Variants in ARNT observed in about 807,000 individuals in gnomAD.
ARNT encodes class E basic helix-loop-helix protein 2.
A neutral mutation model predicts 105.0 loss-of-function variants in ARNT; 30 were observed. The observed-to-expected ratio is 0.29, with a 90% confidence interval of 0.21 to 0.39. The LOEUF is 0.39. ARNT is among the 10% of genes least tolerant of loss of function. The pLI is 1.00. For synonymous variants in ARNT, 304 were observed against 344.0 expected (o/e 0.88, Z 1.29); for missense variants, 748 against 978.7 (o/e 0.76, Z 3.15).
At chr1:150,852,047 A>G (rs1663704683) in intron 3 of ARNT, among the ~76,000 whole-genome samples, 2 of 131,598 alleles carry the variant, frequency 1.5e-5, no homozygotes, top group Admixed American at 1.6e-4. Flanking sequence ...CGTCTCAAAA[A>G]AAAAAAAAAC....
chr1:150,813,927 G>A, intron 20 of ARNT, 150 bp downstream of exon 20: 1 of 1,106,294 alleles, frequency 9.0e-7, no homozygotes, highest in East Asian at 2.4e-5. Context: ...CACCCAGCTG[G>A]TAGGTTTTAA....
chr1:150,831,314 T>C (rs1659324934), intron 10 of ARNT, among the ~76,000 whole-genome samples: 1 of 152,208 alleles, frequency 6.6e-6, no homozygotes, highest in African/African-American at 2.4e-5. Flanking sequence ...ACTTAAAACT[T>C]TGATCCTGCA....
rs1230615571 is a variant in ARNT, at chr1:150,864,765, AAAAT to A, written c.26-6309_26-6306del. Among the ~76,000 whole-genome samples the A allele has an allele frequency of 9.1e-4, 129 of 141,562 alleles. 1 individual carries two copies. The highest frequency in any genetic ancestry group is 3.1e-3 in the African/African-American group (123 of 39,774). 92.9% of individuals were successfully genotyped at this position (141,562 alleles called of 152,430 possible). A position where few individuals can be genotyped will look rare whatever the true frequency, so the allele number is the denominator to read the frequency against. ...TACCCTAAAACTTAAAGTATAATAA[AAAAT>A]AAATAAATAAATAAATAAATAAATA... On this transcript the variant is annotated intron_variant, in intron 1 of 21. Transcript: ENST00000358595.
At position 150,871,298 on chromosome 1, in the gene ARNT, T is replaced by G. The variant is rs796755316; in HGVS notation, c.25+5245A>C. On this transcript the variant is annotated intron_variant, in intron 1 of 21. Transcript: ENST00000358595. ...ATGGCATATTAGGCAGTCGTGGTTT[T>G]TTTTTTTTTTTTTTTTTTTTTAGAC... Among the ~76,000 whole-genome samples the G allele has an allele frequency of 2.0e-3, 295 of 144,738 alleles. 1 individual carries two copies. Among genetic ancestry groups the G allele is most frequent in the African/African-American group, 7.3e-3 (288 of 39,286 alleles). The allele number at this position is 144,738 out of a possible 152,430, so 95.0% of individuals were successfully genotyped here. A position where few individuals can be genotyped will look rare whatever the true frequency, so the allele number is the denominator to read the frequency against.
At chr1:150,863,897 T>C (rs1029287280) in intron 1 of ARNT, among the ~76,000 whole-genome samples, 4 of 151,798 alleles carry the variant, frequency 2.6e-5, no homozygotes, top group Non-Finnish European at 5.9e-5. Context: ...GATATGAAAA[T>C]ACAGTTATGT....
chr1:150,818,752 G>GAAAC (rs10305734), intron 14 of ARNT, among the ~76,000 whole-genome samples: 148,772 of 151,358 alleles, frequency 0.98, 73,164 homozygotes, highest in East Asian at 1. Flanking sequence ...CTGTCTCAAT[G>GAAAC]AAACAAACAA....
At position 150,814,208 on chromosome 1, in the gene ARNT, C is replaced by T. The variant is rs1655348257; in HGVS notation, c.1982G>A (p.Arg661His). Residue 661 changes from arginine to histidine, a missense_variant, in exon 20 of 22, where the codon CGT becomes CAT. Physicochemically the swap from Arg to His is conservative, Grantham distance 29 (BLOSUM62 0). Around this residue, in one of 4 missense-constraint regions of ARNT, gnomAD observed 360 missense variants for 411.9 expected, o/e 0.87. Coordinates refer to ENST00000358595, the MANE Select transcript of ARNT (RefSeq NM_001668.4). ...QVATQATAKTRTSQFGVGSFQ... is the reference protein window; with the variant it reads ...QVATQATAKTHTSQFGVGSFQ... ...GCTGCCCACACCAAACTGGGAAGTA[C>T]GAGTCTTAGCAGTAGCCTGGGTAGC... 2.5e-6 allele frequency: 4 copies of T among 1,614,044 alleles called. No homozygotes were observed. Among genetic ancestry groups the T allele is most frequent in the East Asian group, 2.2e-5 (1 of 44,872 alleles).
intron 5 of ARNT, among the ~76,000 whole-genome samples, chr1:150,840,227 C>T (rs955722417): frequency 6.7e-6 from 1 of 148,952 alleles, no homozygotes; most frequent in Non-Finnish European, 1.5e-5. Flanking sequence ...GGTGGCAGAG[C>T]AAGACTCCAT....
At chr1:150,832,219 G>A (rs953655533) in intron 9 of ARNT, 115 bp downstream of exon 9, 25 of 1,061,734 alleles carry the variant, frequency 2.4e-5, no homozygotes, top group Non-Finnish European at 3.5e-5. Flanking sequence ...TAAGTGGGAG[G>A]TAAGGGATGC....
intron 1 of ARNT, among the ~76,000 whole-genome samples, chr1:150,860,200 A>C (rs1419962076): frequency 1.4e-5 from 2 of 141,460 alleles, no homozygotes; most frequent in African/African-American, 5.1e-5. Flanking sequence ...CAACCCATGG[A>C]ATAGAAAAAA....
At chr1:150,834,111 G>GC (rs1659845140) in intron 8 of ARNT, among the ~76,000 whole-genome samples, 1 of 150,134 alleles carries the variant, frequency 6.7e-6, no homozygotes, top group South Asian at 2.1e-4. Context: ...TTTTGTTGTT[G>GC]TTTTTTTTTA....
At chr1:150,838,302 T>C (rs1660666222) in intron 6 of ARNT, among the ~76,000 whole-genome samples, 2 of 152,220 alleles carry the variant, frequency 1.3e-5, no homozygotes, top group Admixed American at 6.5e-5. Flanking sequence ...ATCTGCATTT[T>C]ACAGGATTCA....
intron 2 of ARNT, 137 bp from the exon 3 acceptor site, chr1:150,852,943 AAGCTACATTTCC>A: frequency 9.2e-7 from 1 of 1,082,942 alleles, no homozygotes; most frequent in Non-Finnish European, 1.4e-6. Context: ...AAGTCAAACA[AAGCTACATTTCC>A]TCTTGTTCAT....
In ARNT at chr1:150,818,004, G is replaced by A. The variant is rs1656279187; in HGVS notation, c.1421C>T (p.Thr474Ile). Residue 474 changes from threonine (T) to isoleucine (I), a missense_variant, in exon 15 of 22, where the codon ACA becomes ATA. Coordinates refer to ENST00000358595, the MANE Select transcript of ARNT (RefSeq NM_001668.4). Reference sequence around the variant, plus strand: ...TGGCCTCTGGATTGTGTTGGAGAGTGTAGGCCGTGGTTCTTGGCTAGAGTT... The same window carrying A: ...TGGCCTCTGGATTGTGTTGGAGAGTATAGGCCGTGGTTCTTGGCTAGAGTT... The part of the protein sequence containing the change: ...VKNSSQEPRP[T>I]LSNTIQRPQL... The A allele has an allele frequency of 1.9e-6, 3 of 1,613,138 alleles. No individual in the cohort carries two copies. Among genetic ancestry groups the A allele is most frequent in the Non-Finnish European group, 2.5e-6 (3 of 1,179,782 alleles).
intron 4 of ARNT, among the ~76,000 whole-genome samples, chr1:150,843,240 G>A (rs1230519707): frequency 3.3e-5 from 5 of 152,168 alleles, no homozygotes; most frequent in African/African-American, 1.2e-4. Context: ...AGGATACAAA[G>A]AACCATCACT....
At chr1:150,813,654 A>AT (rs1655213862) in intron 20 of ARNT, among the ~76,000 whole-genome samples, 1 of 146,554 alleles carries the variant, frequency 6.8e-6, no homozygotes, top group South Asian at 2.2e-4. Flanking sequence ...TTTATTTTTT[A>AT]TTTTTTTGAG....
intron 9 of ARNT, 80 bp downstream of exon 9, chr1:150,832,254 C>T (rs1251966201): frequency 6.8e-7 from 1 of 1,471,084 alleles, no homozygotes; most frequent in Non-Finnish European, 9.5e-7. Context: ...GAAGGAACGA[C>T]TACAGTAAGA....
intron 1 of ARNT, among the ~76,000 whole-genome samples, chr1:150,873,686 A>C (rs1426257160): frequency 1.3e-5 from 2 of 152,132 alleles, no homozygotes; most frequent in Non-Finnish European, 2.9e-5. Context: ...TAGGAGGCTA[A>C]GGTGGGAGGA....
At chr1:150,863,476 A>G (rs1252384552) in intron 1 of ARNT, among the ~76,000 whole-genome samples, 2 of 152,138 alleles carry the variant, frequency 1.3e-5, no homozygotes, top group African/African-American at 2.4e-5. Context: ...GGAAATAAAG[A>G]AGGCAGGCAA....
Sources: allele counts gnomAD v4.1 joint callset (sites outside exome capture counted in the v4.1 genomes callset), GRCh38; gene constraint gnomAD v4.1.1; regional missense constraint gnomAD v4.1.1; transcripts MANE v1.5; gene names NCBI Gene and HGNC (gene_info 2026-07-23, HGNC 2026-07-21).